FRMPD4: variants seen among roughly 807,000 people sequenced by gnomAD.
FRMPD4 encodes the protein FERM and PDZ domain containing 4.
Under a neutral mutation model 94.1 loss-of-function variants are expected in FRMPD4, and 22 were observed. That is an observed-to-expected ratio of 0.23 (90% CI 0.17 to 0.33). The LOEUF (loss-of-function observed/expected upper bound fraction) is 0.33, where lower values mean the gene tolerates loss of function less well. FRMPD4 is among the 10% of genes least tolerant of loss of function. The pLI, the probability that FRMPD4 is intolerant of heterozygous loss-of-function variation, is 1.00. For synonymous variants in FRMPD4, 631 were observed against 548.6 expected, an observed-to-expected ratio of 1.15 and a Z score of -2.10; for missense variants, 1,111 against 1,339.9, an observed-to-expected ratio of 0.83 and a Z score of 2.67.
At chrX:12,649,226 G>A (rs372488080) in intron 4 of FRMPD4, among the ~76,000 whole-genome samples, 3 of 112,016 alleles carry the variant, frequency 2.7e-5, no homozygotes, top group Non-Finnish European at 3.8e-5. Context: ...TGCAGCGTGC[G>A]TGGGGACAGA....
At chrX:12,227,486 C>T (rs1325480530) in intron 1 of FRMPD4, among the ~76,000 whole-genome samples, 1 of 111,655 alleles carries the variant, frequency 9.0e-6, no homozygotes, top group African/African-American at 3.3e-5. Flanking sequence ...TGAGATCCAA[C>T]AGAATACAGG....
At chrX:11,848,202 T>G (rs936473699) in intron 1 of FRMPD4, among the ~76,000 whole-genome samples, 3 of 111,130 alleles carry the variant, frequency 2.7e-5, no homozygotes, top group Admixed American at 9.6e-5. Flanking sequence ...GTTTGCTGAT[T>G]GTTCTCTTTT....
rs766899987 is a variant in FRMPD4 at position 12,717,515 on chromosome X, C to T, written c.2689C>T (p.Arg897Trp). Reference sequence around the variant, plus strand: ...ACGGCATGCAGGTGTAGCCATCTTGCGGGCTTATAGTCCTGAGTCTTCGTC... The same window carrying T: ...ACGGCATGCAGGTGTAGCCATCTTGTGGGCTTATAGTCCTGAGTCTTCGTC... ...TSDNSGVAIL[R>W]AYSPESSSDS... Residue 897 changes from arginine (R) to tryptophan (W), a missense_variant, in exon 16 of 17, where the codon CGG becomes TGG. This residue lies in a region of FRMPD4 where 74 missense variants were observed against 93.9 expected (regional missense o/e 0.79). Transcript: ENST00000675598. 3 of 1,190,423 alleles carry T rather than the reference C, an allele frequency of 2.5e-6. No individual in the cohort carries two copies. The highest frequency in any genetic ancestry group is 2.3e-6 in the Non-Finnish European group (2 of 876,900).
At chrX:12,519,930 C>G (rs6641029) in intron 2 of FRMPD4, among the ~76,000 whole-genome samples, 9,858 of 111,494 alleles carry the variant, frequency 0.088, 374 homozygotes, top group African/African-American at 0.14. Flanking sequence ...AAATTGGAAC[C>G]CTTATGCACT....
At chrX:12,136,439 G>A (rs2055597366), upstream of FRMPD4, among the ~76,000 whole-genome samples, 1 of 111,315 alleles carries the variant, frequency 9.0e-6, no homozygotes, top group Non-Finnish European at 1.9e-5. Flanking sequence ...GGGACTCGGA[G>A]TCCAGGGTGT....
chrX:12,556,219 A>G (rs145899543), intron 2 of FRMPD4, among the ~76,000 whole-genome samples: 1,723 of 111,050 alleles, frequency 0.016, 30 homozygotes, highest in African/African-American at 0.051. Flanking sequence ...TGTCACTTCT[A>G]TGATTATGTT....
intron 3 of FRMPD4, among the ~76,000 whole-genome samples, chrX:12,124,331 A>G (rs2055481743): frequency 8.9e-6 from 1 of 111,794 alleles, no homozygotes; most frequent in South Asian, 3.8e-4. Flanking sequence ...TTTTTCTCCC[A>G]CACTAGAAGG....
At position 12,138,618 on chromosome X, in the gene FRMPD4, C is replaced by G; in HGVS notation, c.-354C>G. The G allele has an allele frequency of 3.5e-6, 1 of 287,253 alleles. No individual in the cohort carries two copies. Among genetic ancestry groups the G allele is most frequent in the Non-Finnish European group, 6.1e-6 (1 of 163,943 alleles). 23.7% of individuals were successfully genotyped at this position (287,253 alleles called of 1,213,427 possible). On this transcript the variant is annotated 5_prime_UTR_variant, in exon 1 of 17. Transcript: ENST00000675598. ...GCCTCTCGCCCAGGCCTCGCTTTCTCTGGACGCCCGGCAGTCCCCGGGGCT... is the reference window on the plus strand; with the variant it reads ...GCCTCTCGCCCAGGCCTCGCTTTCTGTGGACGCCCGGCAGTCCCCGGGGCT...
chrX:12,087,800 G>A (rs1601929404), intron 3 of FRMPD4, among the ~76,000 whole-genome samples: 1 of 112,071 alleles, frequency 8.9e-6, no homozygotes, highest in Non-Finnish European at 1.9e-5. Context: ...TGATTCTGCT[G>A]TTCAGCTGCA....
chrX:12,490,328 G>A (rs902733443), intron 1 of FRMPD4, among the ~76,000 whole-genome samples: 6 of 110,604 alleles, frequency 5.4e-5, no homozygotes, highest in African/African-American at 2.0e-4. Context: ...CCACTGCATT[G>A]GGGATCAAAT....
intron 2 of FRMPD4, among the ~76,000 whole-genome samples, chrX:12,558,075 A>C: frequency 8.9e-6 from 1 of 112,616 alleles, no homozygotes; most frequent in East Asian, 2.8e-4. Context: ...CCAAAAAGCA[A>C]GTCTCTTGCC....
chrX:12,375,577 G>A (rs929418003), intron 1 of FRMPD4, among the ~76,000 whole-genome samples: 3 of 112,431 alleles, frequency 2.7e-5, no homozygotes, highest in Admixed American at 1.9e-4. Flanking sequence ...GCCTTTAAGG[G>A]CTTGTGTGAT....
chrX:12,217,853 AAAG>A (rs2056824723), intron 1 of FRMPD4, among the ~76,000 whole-genome samples: 1 of 112,354 alleles, frequency 8.9e-6, no homozygotes, highest in East Asian at 2.8e-4. Flanking sequence ...GTTTTACAGA[AAAG>A]TTTGCTGACC....
chrX:12,649,716 C>A (rs2059580361), intron 4 of FRMPD4, among the ~76,000 whole-genome samples: 1 of 112,534 alleles, frequency 8.9e-6, no homozygotes, highest in South Asian at 3.7e-4. Flanking sequence ...GTACTTTACA[C>A]GGTGCTTAGC....
intron 2 of FRMPD4, among the ~76,000 whole-genome samples, chrX:11,873,722 A>C (rs1053872581): frequency 5.4e-5 from 6 of 110,446 alleles, no homozygotes; most frequent in Non-Finnish European, 1.1e-4. Context: ...TTTTTTAAAA[A>C]AAAGAAGAAA....
intron 2 of FRMPD4, among the ~76,000 whole-genome samples, chrX:12,562,049 A>G (rs527795598): frequency 4.6e-4 from 51 of 112,047 alleles, no homozygotes; most frequent in African/African-American, 1.6e-3. Context: ...CTTGGGACCA[A>G]TTCAGTCTCT....
At chrX:12,401,573 C>T (rs1257408979) in intron 1 of FRMPD4, among the ~76,000 whole-genome samples, 1 of 111,570 alleles carries the variant, frequency 9.0e-6, no homozygotes, top group African/African-American at 3.3e-5. Context: ...CCAAATGTGC[C>T]AGAGATAAAT....
chrX:12,458,484 A>G (rs1435738046), intron 1 of FRMPD4, among the ~76,000 whole-genome samples: 1 of 111,794 alleles, frequency 8.9e-6, no homozygotes, highest in African/African-American at 3.3e-5. Flanking sequence ...CTTGATTCAG[A>G]GGGTTGACTG....
chrX:11,967,764 T>TG (rs1569134464), intron 3 of FRMPD4, among the ~76,000 whole-genome samples: 2,890 of 100,153 alleles, frequency 0.029, 125 homozygotes, highest in African/African-American at 0.1. Flanking sequence ...GTGTTTTTTT[T>TG]TTTTTTTTTT....
Sources: allele counts gnomAD v4.1 joint callset (sites outside exome capture counted in the v4.1 genomes callset), GRCh38; gene constraint gnomAD v4.1.1; regional missense constraint gnomAD v4.1.1; transcripts MANE v1.5; gene names NCBI Gene and HGNC (gene_info 2026-07-23, HGNC 2026-07-21).